Variants in CKAP5 observed in about 807,000 individuals in gnomAD.
CKAP5 encodes the protein cytoskeleton-associated protein 5.
A neutral mutation model predicts 232.8 loss-of-function variants in CKAP5; 27 were observed. The observed-to-expected ratio is 0.12, with a 90% CI of 0.09 to 0.16. CKAP5 has a LOEUF of 0.16. Ranked by LOEUF, CKAP5 falls within the 10% of genes least tolerant of loss-of-function variation. The pLI is 1.00. For synonymous variants in CKAP5, 785 were observed against 841.1 expected, an observed-to-expected ratio of 0.93 and a Z score of 1.16; for missense variants, 1,838 against 2,424.7, an observed-to-expected ratio of 0.76 and a Z score of 5.08.
intron 8 of CKAP5, 126 bp from the exon 9 acceptor site, chr11:46,801,430 G>C (rs568300189): frequency 4.6e-6 from 3 of 655,938 alleles, no homozygotes; most frequent in Non-Finnish European, 7.9e-6. Flanking sequence ...AGCACTTTGG[G>C]AGGCCAAGGT....
rs550041862 is a variant in CKAP5, at chr11:46,831,792, A to C, written c.-37-10524T>G. 5.9e-5 allele frequency among the ~76,000 whole-genome samples: 9 copies of C among 152,072 alleles called. No homozygotes were observed. In the East Asian group the frequency reaches 1.7e-3, roughly 29 times the overall value. On this transcript the variant is annotated intron_variant, in intron 1 of 43. Transcript: ENST00000529230. ...AGCAGTCCTCCTGCCTCAGCCTCCC[A>C]AAGAGTTGATATTACACTTGCGAGC...
chr11:46,777,634 C>T, intron 22 of CKAP5, 82 bp from the exon 23 acceptor site: 1 of 853,358 alleles, frequency 1.2e-6, no homozygotes, highest in Non-Finnish European at 1.9e-6. Context: ...GCTATACTGT[C>T]AATACAGCAG....
intron 1 of CKAP5, among the ~76,000 whole-genome samples, chr11:46,825,564 A>T (rs1358053361): frequency 1.3e-5 from 2 of 152,188 alleles, no homozygotes; most frequent in Non-Finnish European, 2.9e-5. Context: ...CAAGCTCTTG[A>T]CCTACAAAAG....
At chr11:46,805,899 T>C (rs1277200400) in intron 8 of CKAP5, among the ~76,000 whole-genome samples, 1 of 152,162 alleles carries the variant, frequency 6.6e-6, no homozygotes, top group Non-Finnish European at 1.5e-5. Context: ...ATCGTGCCAC[T>C]GCACTCCAGC....
chr11:46,766,135 A>T lies in CKAP5; in HGVS notation c.3412-879T>A, dbSNP rs1368817883. On this transcript the variant is annotated intron_variant, in intron 27 of 43. Coordinates refer to ENST00000529230, the MANE Select transcript of CKAP5 (RefSeq NM_001008938.4). Reference sequence around the variant, plus strand: ...ATATTTAAGGTAAAATTCAAATTTCATTACTGGAATCATTATTATTATAAA... The same window carrying T: ...ATATTTAAGGTAAAATTCAAATTTCTTTACTGGAATCATTATTATTATAAA... 3.3e-5 allele frequency among the ~76,000 whole-genome samples: 5 copies of T among 152,340 alleles called. 1 individual carries two copies. In the East Asian group the frequency reaches 9.6e-4, roughly 29 times the overall value.
Position 46,843,209 on chromosome 11 carries a change from C to G in CKAP5, c.-38+3011G>C, listed in dbSNP as rs531633279. Among the ~76,000 whole-genome samples, 7 of 152,218 alleles carry G rather than the reference C, an allele frequency of 4.6e-5. No homozygotes were observed. In the South Asian group the frequency reaches 8.3e-4, roughly 18 times the overall value. On this transcript the variant is annotated intron_variant, in intron 1 of 43. Transcript: ENST00000529230. Reference sequence around the variant, plus strand: ...CAGGAGGCAGATTACAATGAGAAATCTGATCTGAAATTGTGGAAACAATAG... The same window carrying G: ...CAGGAGGCAGATTACAATGAGAAATGTGATCTGAAATTGTGGAAACAATAG...
intron 1 of CKAP5, among the ~76,000 whole-genome samples, chr11:46,839,386 T>C (rs1016737993): frequency 1.3e-5 from 2 of 152,184 alleles, no homozygotes; most frequent in East Asian, 1.9e-4. Context: ...AGCTAAGTAA[T>C]GTATTCTAAA....
chr11:46,780,158 TC>T (rs768798825), intron 20 of CKAP5, 35 bp downstream of exon 20: 1 of 1,611,456 alleles, frequency 6.2e-7, no homozygotes, highest in South Asian at 1.1e-5. Context: ...GATTCTCAAG[TC>T]CACTAACAGA....
chr11:46,806,563 T>C (rs1939160014), intron 8 of CKAP5, among the ~76,000 whole-genome samples: 1 of 152,224 alleles, frequency 6.6e-6, no homozygotes, highest in Non-Finnish European at 1.5e-5. Flanking sequence ...GCAACTCTCT[T>C]TTAATTTATT....
chr11:46,759,497 C>A, intron 33 of CKAP5, 55 bp from the exon 34 acceptor site: 1 of 1,530,970 alleles, frequency 6.5e-7, no homozygotes. Context: ...AACCAAAGGG[C>A]AAGAGTAGCA....
chr11:46,838,741 C>G (rs1939977040), intron 1 of CKAP5, among the ~76,000 whole-genome samples: 1 of 114,816 alleles, frequency 8.7e-6, no homozygotes, highest in Admixed American at 1.4e-4. Flanking sequence ...TTGCAGTAAG[C>G]AGAGATCAGG....
chr11:46,821,117 A>ATAAC (rs1305872786), intron 2 of CKAP5, 58 bp downstream of exon 2: 2 of 1,236,956 alleles, frequency 1.6e-6, no homozygotes, highest in African/African-American at 3.0e-5. Flanking sequence ...AGATGATAGT[A>ATAAC]TAACTGCTCA....
At chr11:46,807,862 C>G (rs1040514547) in intron 8 of CKAP5, among the ~76,000 whole-genome samples, 169 bp downstream of exon 8, 28 of 152,118 alleles carry the variant, frequency 1.8e-4, no homozygotes, top group Non-Finnish European at 5.9e-5. Flanking sequence ...ATGAAACTAA[C>G]CCACAACAGG....
intron 4 of CKAP5, among the ~76,000 whole-genome samples, chr11:46,813,708 A>C (rs1426250167): frequency 1.3e-5 from 2 of 152,202 alleles, no homozygotes; most frequent in African/African-American, 2.4e-5. Context: ...ATGGGACTAC[A>C]TAACAACATC....
intron 25 of CKAP5, 81 bp from the exon 26 acceptor site, chr11:46,770,179 C>G: frequency 7.0e-7 from 1 of 1,434,666 alleles, no homozygotes; most frequent in Non-Finnish European, 9.8e-7. Flanking sequence ...AATCCTCTGT[C>G]AAACAAATGA....
At chr11:46,831,991 T>A (rs1221594990) in intron 1 of CKAP5, among the ~76,000 whole-genome samples, 1 of 150,664 alleles carries the variant, frequency 6.6e-6, no homozygotes, top group African/African-American at 2.4e-5. Flanking sequence ...CAGCATCTCA[T>A]GTGGCTGGGA....
chr11:46,843,603 C>T (rs1042825490), intron 1 of CKAP5, among the ~76,000 whole-genome samples: 3 of 151,612 alleles, frequency 2.0e-5, no homozygotes, highest in Admixed American at 6.6e-5. Context: ...TGGTGATGCA[C>T]GTCTGTAGTC....
chr11:46,754,046 T>C (rs2065091434), intron 36 of CKAP5, among the ~76,000 whole-genome samples: 1 of 151,964 alleles, frequency 6.6e-6, no homozygotes, highest in South Asian at 2.1e-4. Flanking sequence ...TTGCCCAGAC[T>C]GGAGTGCAGT....
chr11:46,809,685 A>G (rs2134671319), intron 6 of CKAP5, 57 bp downstream of exon 6: 1 of 1,595,192 alleles, frequency 6.3e-7, no homozygotes, highest in Non-Finnish European at 8.6e-7. Context: ...ACAGATTCTC[A>G]TGGCAGTGCC....
Sources: gnomAD v4.1 joint callset for allele counts (sites outside exome capture counted in the v4.1 genomes callset) on GRCh38, gnomAD v4.1.1 for gene constraint, MANE v1.5 for transcripts, NCBI Gene and HGNC (gene_info 2026-07-23, HGNC 2026-07-21) for gene names.